CCDC152: variants seen among roughly 807,000 people sequenced by gnomAD.
The protein encoded by CCDC152 is coiled-coil domain-containing protein 152.
Under a neutral mutation model 38.1 loss-of-function variants are expected in CCDC152, and 37 were observed. The observed-to-expected ratio is 0.97, with a 90% CI of 0.75 to 1.28. The LOEUF is 1.28. Ranked by LOEUF, CCDC152 falls within the 50% of genes most tolerant of loss-of-function variation. The probability of loss-of-function intolerance (pLI) is 0.00; values close to 1 mark genes in which losing one functional copy is unlikely to be tolerated. For synonymous variants in CCDC152, 83 were observed against 87.1 expected (o/e 0.95, Z 0.26); for missense variants, 259 against 292.1 (o/e 0.89, Z 0.83).
At chr5:42,798,186 G>A (rs376792500) in intron 7 of CCDC152, among the ~76,000 whole-genome samples, 5 of 151,968 alleles carry the variant, frequency 3.3e-5, no homozygotes, top group Non-Finnish European at 5.9e-5. Flanking sequence ...TCATTTAACC[G>A]GATATCACAA....
intron 4 of CCDC152, among the ~76,000 whole-genome samples, chr5:42,774,527 T>G (rs1278413620): frequency 6.6e-6 from 1 of 152,166 alleles, no homozygotes; most frequent in Non-Finnish European, 1.5e-5. Flanking sequence ...ATATCCTATT[T>G]CAGCTCCCCC....
intron 3 of CCDC152, 103 bp from the exon 4 acceptor site, chr5:42,769,494 A>G (rs761250438): frequency 2.1e-5 from 27 of 1,277,818 alleles, no homozygotes; most frequent in Non-Finnish European, 2.6e-5. Context: ...ACACATCACC[A>G]TGCCTGGCTT....
At chr5:42,770,475 A>G (rs1759682173) in intron 4 of CCDC152, among the ~76,000 whole-genome samples, 1 of 150,228 alleles carries the variant, frequency 6.7e-6, no homozygotes, top group African/African-American at 2.4e-5. Flanking sequence ...TGGGTTCTCT[A>G]TTCTGTTCCA....
chr5:42,798,785 CA>C (rs28918072), intron 7 of CCDC152, among the ~76,000 whole-genome samples: 3 of 151,012 alleles, frequency 2.0e-5, no homozygotes, highest in East Asian at 1.9e-4. Context: ...TGTGCAAAAA[CA>C]AAAAAAAATT....
intron 6 of CCDC152, among the ~76,000 whole-genome samples, chr5:42,790,095 A>G (rs1180785547): frequency 6.6e-6 from 1 of 152,256 alleles, no homozygotes; most frequent in Non-Finnish European, 1.5e-5. Flanking sequence ...TATATAAAGA[A>G]CACTAAGAAT....
intron 2 of CCDC152, among the ~76,000 whole-genome samples, chr5:42,759,761 G>C (rs983584487): frequency 2.0e-5 from 3 of 152,110 alleles, no homozygotes; most frequent in African/African-American, 4.8e-5. Context: ...AGTACAATAA[G>C]ATAATTTCAG....
At chr5:42,761,592 G>C (rs1004049536) in intron 2 of CCDC152, among the ~76,000 whole-genome samples, 1 of 152,038 alleles carries the variant, frequency 6.6e-6, no homozygotes, top group Non-Finnish European at 1.5e-5. Context: ...TCCAGCCTGG[G>C]CAACAGAGTC....
chr5:42,781,125 A>G (rs1008180429), intron 5 of CCDC152, among the ~76,000 whole-genome samples: 1 of 152,102 alleles, frequency 6.6e-6, no homozygotes, highest in African/African-American at 2.4e-5. Flanking sequence ...TGTGGCAAAA[A>G]TCAGTGGAGA....
At chr5:42,781,548 C>CGA (rs1284428382) in intron 5 of CCDC152, among the ~76,000 whole-genome samples, 2 of 105,994 alleles carry the variant, frequency 1.9e-5, no homozygotes, top group African/African-American at 9.6e-5. Flanking sequence ...GAAAAATGCG[C>CGA]GCGCGCGCAC....
At chr5:42,781,401 TGAA>T (rs1193992654) in intron 5 of CCDC152, among the ~76,000 whole-genome samples, 1 of 152,136 alleles carries the variant, frequency 6.6e-6, no homozygotes, top group Non-Finnish European at 1.5e-5. Flanking sequence ...CAAAATCTCT[TGAA>T]CTGAGATAAT....
chr5:42,763,605 T>C (rs2910864), intron 3 of CCDC152, among the ~76,000 whole-genome samples: 67,833 of 151,990 alleles, frequency 0.45, 15,320 homozygotes, highest in East Asian at 0.58. Flanking sequence ...CTCGATAAGA[T>C]ACAATAAAGA....
chr5:42,766,429 A>G (rs1759625563), intron 3 of CCDC152, among the ~76,000 whole-genome samples: 1 of 151,954 alleles, frequency 6.6e-6, no homozygotes, highest in Admixed American at 6.6e-5. Flanking sequence ...TACACAGAAG[A>G]AAGGAAATCA....
At chr5:42,779,184 T>C (rs1759808986) in intron 4 of CCDC152, among the ~76,000 whole-genome samples, 1 of 152,200 alleles carries the variant, frequency 6.6e-6, no homozygotes, top group Non-Finnish European at 1.5e-5. Context: ...CAGGTTCCTG[T>C]AGTATTTCAG....
intron 6 of CCDC152, among the ~76,000 whole-genome samples, chr5:42,791,581 A>C (rs756268566): frequency 6.6e-6 from 1 of 152,190 alleles, no homozygotes; most frequent in Non-Finnish European, 1.5e-5. Context: ...CTCATGTAAT[A>C]TATTCCTACT....
At chr5:42,769,779 A>T in intron 4 of CCDC152, 114 bp downstream of exon 4, 2 of 1,164,270 alleles carry the variant, frequency 1.7e-6, no homozygotes, top group Non-Finnish European at 2.3e-6. Flanking sequence ...CTAAAAGAGG[A>T]CTCCTTACTA....
At position 42,759,234 on chromosome 5, in the gene CCDC152, A is replaced by G. The variant is rs926438828; in HGVS notation, c.87+26A>G. 10 of 1,413,250 alleles carry G rather than the reference A, an allele frequency of 7.1e-6. No individual in the cohort carries two copies. In the Admixed American group the frequency reaches 1.8e-4, roughly 26 times the overall value. The allele number at this position is 1,413,250 out of a possible 1,614,324, so 87.5% of individuals were successfully genotyped here. ...GTATGTAAAGATAGAAAACAATTCT[A>G]CTATATAGGGATACATGGAACAGAT... On this transcript the variant is annotated intron_variant, in intron 2 of 8. Coordinates refer to ENST00000361970, the MANE Select transcript of CCDC152 (RefSeq NM_001134848.2).
intron 6 of CCDC152, among the ~76,000 whole-genome samples, chr5:42,792,017 G>A (rs1760009556): frequency 6.6e-6 from 1 of 152,276 alleles, no homozygotes; most frequent in East Asian, 1.9e-4. Flanking sequence ...GCTTCTGAGA[G>A]CAGCCTCTGC....
intron 2 of CCDC152, among the ~76,000 whole-genome samples, chr5:42,761,977 A>C (rs552285076): frequency 2.0e-5 from 3 of 152,236 alleles, no homozygotes; most frequent in Non-Finnish European, 4.4e-5. Flanking sequence ...GTTCTGAGAA[A>C]TGCATTATTA....
In CCDC152 at chr5:42,801,220, G is replaced by C. The variant is rs1412755586; in HGVS notation, c.*1439G>C. On this transcript the variant is annotated 3_prime_UTR_variant, in exon 9 of 9. Transcript: ENST00000361970. ...GAAAGCTCACTGCTGCCAAGGTGCT[G>C]ATGTCCATGATTGTGATGATGCTCA... is the stretch of plus-strand genomic sequence containing the variant. The C allele has an allele frequency of 6.2e-7, 1 of 1,614,128 alleles. No homozygotes were observed. Among genetic ancestry groups the C allele is most frequent in the East Asian group, 2.2e-5 (1 of 44,864 alleles).
Sources: allele counts gnomAD v4.1 joint callset (sites outside exome capture counted in the v4.1 genomes callset), GRCh38; gene constraint gnomAD v4.1.1; transcripts MANE v1.5; gene names NCBI Gene and HGNC (gene_info 2026-07-23, HGNC 2026-07-21).